RBM6: variants seen among roughly 807,000 people sequenced by gnomAD.
RBM6 encodes RNA binding motif protein 6.
In RBM6, 23 loss-of-function variants were observed where a neutral mutation model predicts 140.4. The observed-to-expected ratio is 0.16, with a 90% CI of 0.12 to 0.23. The LOEUF (loss-of-function observed/expected upper bound fraction) is 0.23, where lower values mean the gene tolerates loss of function less well. Ranked by LOEUF, RBM6 falls within the 10% of genes least tolerant of loss-of-function variation. RBM6 has a pLI of 1.00. For missense variants in RBM6, 1,139 were observed against 1,386.7 expected (o/e 0.82, Z 2.84); for synonymous variants, 439 against 475.6 (o/e 0.92, Z 1.00).
intron 5 of RBM6, among the ~76,000 whole-genome samples, chr3:49,977,150 C>T (rs899661699): frequency 2.0e-5 from 3 of 152,328 alleles, no homozygotes; most frequent in South Asian, 2.1e-4. Flanking sequence ...CAAACCCATG[C>T]GTGAGCTGAC....
chr3:49,953,305 C>T (rs2083823577), intron 1 of RBM6, among the ~76,000 whole-genome samples: 1 of 151,690 alleles, frequency 6.6e-6, no homozygotes, highest in African/African-American at 2.4e-5. Context: ...CTGCAAATTC[C>T]ACCTCCCGGA....
intron 8 of RBM6, among the ~76,000 whole-genome samples, chr3:50,056,038 A>C (rs765082268): frequency 6.6e-5 from 10 of 152,294 alleles, no homozygotes; most frequent in East Asian, 1.9e-4. Context: ...TGTGCCTACA[A>C]GGAGTTTCTT....
intron 1 of RBM6, among the ~76,000 whole-genome samples, chr3:49,962,035 A>G (rs2084304608): frequency 6.6e-6 from 1 of 151,338 alleles, no homozygotes; most frequent in Non-Finnish European, 1.5e-5. Context: ...GTGCGCCTGT[A>G]GTTCTAGCTA....
At chr3:49,968,770 C>CCTTT in intron 3 of RBM6, 22 bp downstream of exon 3, 1 of 698,924 alleles carries the variant, frequency 1.4e-6, no homozygotes, top group Non-Finnish European at 1.9e-6. Context: ...GGGTGGATTG[C>CCTTT]TTTTTTTTTT....
chr3:50,023,655 ATTTTTT>A (rs35083306), intron 6 of RBM6, among the ~76,000 whole-genome samples: 2 of 115,104 alleles, frequency 1.7e-5, no homozygotes, highest in Non-Finnish European at 1.7e-5. Context: ...ATGTTTGGTG[ATTTTTT>A]TTTTTTTTTT....
intron 6 of RBM6, among the ~76,000 whole-genome samples, chr3:50,034,719 A>C (rs9844201): frequency 0.65 from 98,074 of 151,950 alleles, 32,290 homozygotes; most frequent in East Asian, 0.88. Context: ...CGAGATCACA[A>C]CACTGCACTC....
intron 6 of RBM6, among the ~76,000 whole-genome samples, chr3:50,041,181 G>C (rs915096159): frequency 6.6e-6 from 1 of 152,212 alleles, no homozygotes; most frequent in Non-Finnish European, 1.5e-5. Flanking sequence ...CAGCTGACAG[G>C]GCAGTGTCTT....
chr3:49,976,712 T>C (rs2085079322), intron 5 of RBM6, among the ~76,000 whole-genome samples: 3 of 152,300 alleles, frequency 2.0e-5, no homozygotes, highest in Middle Eastern at 6.8e-3. Flanking sequence ...CAGTTCAAAC[T>C]CCAGTTTCTT....
intron 6 of RBM6, among the ~76,000 whole-genome samples, chr3:50,015,433 T>TATTA (rs542341799): frequency 0.062 from 8,852 of 142,956 alleles, 293 homozygotes; most frequent in Non-Finnish European, 0.073. Context: ...TTATTATTAT[T>TATTA]TTTTTTTTTT....
At chr3:49,971,266 T>C (rs1294332045) in intron 3 of RBM6, among the ~76,000 whole-genome samples, 26 of 119,490 alleles carry the variant, frequency 2.2e-4, no homozygotes, top group African/African-American at 7.8e-4. Context: ...AAACTCCATC[T>C]GAAAAAAAAA....
At chr3:49,947,735 A>C (rs2083557310) in intron 1 of RBM6, among the ~76,000 whole-genome samples, 1 of 152,104 alleles carries the variant, frequency 6.6e-6, no homozygotes, top group African/African-American at 2.4e-5. Context: ...AATTTGAGTT[A>C]ATTTTTTATA....
chr3:50,039,795 C>G (rs2088771845), intron 6 of RBM6, among the ~76,000 whole-genome samples: 1 of 152,184 alleles, frequency 6.6e-6, no homozygotes, highest in South Asian at 2.1e-4. Flanking sequence ...CTCACAGTCT[C>G]AGTCTTTATG....
intron 1 of RBM6, among the ~76,000 whole-genome samples, chr3:49,960,053 A>C (rs2084213859): frequency 6.6e-6 from 1 of 152,176 alleles, no homozygotes; most frequent in Admixed American, 6.5e-5. Flanking sequence ...TGCAGCTTTC[A>C]TTAGCAATAC....
At chr3:50,038,385 A>G (rs1430434372) in intron 6 of RBM6, among the ~76,000 whole-genome samples, 1 of 151,476 alleles carries the variant, frequency 6.6e-6, no homozygotes, top group African/African-American at 2.4e-5. Flanking sequence ...TATTTACCAA[A>G]CTCCCTATTT....
At chr3:50,061,040 G>A in intron 12 of RBM6, 42 bp downstream of exon 12, 1 of 1,599,758 alleles carries the variant, frequency 6.3e-7, no homozygotes, top group Non-Finnish European at 8.5e-7. Context: ...AAAATCCTCA[G>A]GTGACTATAA....
intron 12 of RBM6, 34 bp downstream of exon 12, chr3:50,061,032 A>C: frequency 6.3e-7 from 1 of 1,597,904 alleles, no homozygotes; most frequent in Non-Finnish European, 8.5e-7. Flanking sequence ...GCTCTATTAA[A>C]ATCCTCAGGT....
In RBM6 at chr3:50,061,492, C is replaced by T. The variant is rs199602134; in HGVS notation, c.2384C>T (p.Ala795Val). ...TCTGACTGCTACATATATGATTCTG[C>T]TACTGGCTACTATTATGACCCCTTG... ...SSSDCYIYDS[A>V]TGYYYDPLAG... The change falls in exon 14 of 21, where the codon GCT becomes GTT. Residue 795 changes from alanine to valine, a missense_variant. Ala to Val is a moderately conservative substitution (Grantham distance 64). Transcript: ENST00000266022. 111 of 1,608,964 alleles carry T rather than the reference C, an allele frequency of 6.9e-5. No homozygotes were observed. The highest frequency in any genetic ancestry group is 4.7e-5 in the Non-Finnish European group (56 of 1,179,050).
intron 3 of RBM6, 29 bp from the exon 4 acceptor site, chr3:49,972,030 G>A (rs747317175): frequency 6.2e-5 from 93 of 1,510,626 alleles, no homozygotes; most frequent in Non-Finnish European, 8.5e-5. Context: ...AAGTATATTT[G>A]TGAAATAATT....
At chr3:50,069,427 T>C (rs969138533) in intron 18 of RBM6, among the ~76,000 whole-genome samples, 1 of 149,236 alleles carries the variant, frequency 6.7e-6, no homozygotes, top group Non-Finnish European at 1.5e-5. Context: ...GAGGATCGCA[T>C]GAGCTGGGAG....
Sources: allele counts gnomAD v4.1 joint callset (sites outside exome capture counted in the v4.1 genomes callset), GRCh38; gene constraint gnomAD v4.1.1; transcripts MANE v1.5; gene names NCBI Gene and HGNC (gene_info 2026-07-23, HGNC 2026-07-21).